The following STIM2 variants were observed in gnomAD, a reference collection of about 807,000 sequenced individuals.
STIM2 encodes the protein stromal interaction molecule 2.
STIM2 carries 31 observed loss-of-function variants against 85.8 expected under a neutral mutation model. The observed-to-expected ratio is 0.36, with a 90% CI of 0.27 to 0.49. The LOEUF (loss-of-function observed/expected upper bound fraction) is 0.49, where lower values mean the gene tolerates loss of function less well. Among genes scored for constraint, STIM2 ranks in the 20% least tolerant of loss-of-function variants. STIM2 has a pLI of 0.98. For synonymous variants in STIM2, 356 were observed against 331.1 expected, an observed-to-expected ratio of 1.08 and a Z score of -0.82; for missense variants, 841 against 927.6, an observed-to-expected ratio of 0.91 and a Z score of 1.21.
intron 2 of STIM2, 49 bp downstream of exon 2, chr4:26,919,683 G>T (rs1360901827): frequency 6.3e-7 from 1 of 1,585,722 alleles, no homozygotes; most frequent in South Asian, 1.2e-5. Flanking sequence ...CAGAATGACT[G>T]CATTTCTGTT....
chr4:26,946,298 T>C (rs1214330472), intron 2 of STIM2, among the ~76,000 whole-genome samples: 1 of 152,184 alleles, frequency 6.6e-6, no homozygotes. Flanking sequence ...TATTAAAAAA[T>C]TGACAAATGT....
At chr4:26,976,035 T>A (rs1267600331) in intron 3 of STIM2, among the ~76,000 whole-genome samples, 2 of 152,218 alleles carry the variant, frequency 1.3e-5, no homozygotes, top group Non-Finnish European at 2.9e-5. Context: ...CAAGGCTTCG[T>A]GGGTGTGGGA....
At chr4:26,973,385 A>G (rs927507778) in intron 3 of STIM2, among the ~76,000 whole-genome samples, 6 of 152,108 alleles carry the variant, frequency 3.9e-5, no homozygotes, top group Admixed American at 1.3e-4. Flanking sequence ...TAGTGCTATA[A>G]ATTTCCCTCT....
intron 10 of STIM2, among the ~76,000 whole-genome samples, chr4:27,011,673 A>G (rs983505101): frequency 6.6e-6 from 1 of 152,172 alleles, no homozygotes; most frequent in Non-Finnish European, 1.5e-5. Context: ...GATACCTCAC[A>G]ATTATGAAAA....
intron 3 of STIM2, among the ~76,000 whole-genome samples, chr4:26,958,910 G>T (rs528574018): frequency 2.0e-5 from 3 of 152,194 alleles, no homozygotes; most frequent in Non-Finnish European, 2.9e-5. Flanking sequence ...TTTTTTTAAG[G>T]ATTAAAATAT....
At position 27,022,881 on chromosome 4, in the gene STIM2, A is replaced by G; in HGVS notation, c.2126A>G (p.Gln709Arg). 6.2e-7 allele frequency: 1 copy of G among 1,614,242 alleles called. No homozygotes were observed. The highest frequency in any genetic ancestry group is 8.5e-7 in the Non-Finnish European group (1 of 1,180,044). ...GCTGGCAACGACAGTAAACCAGTTC[A>G]GGAAGCCCCAAGTGTTGCCAGAATA... The change falls in exon 12 of 12, where the codon CAG becomes CGG. Residue 709 changes from glutamine to arginine, a missense_variant. This residue lies in a region of STIM2 where 293 missense variants were observed against 284.5 expected (regional missense o/e 1.03). Transcript: ENST00000467087.
At chr4:26,930,557 C>T (rs1259934428) in intron 2 of STIM2, among the ~76,000 whole-genome samples, 1 of 151,970 alleles carries the variant, frequency 6.6e-6, no homozygotes. Flanking sequence ...GTCCATTGTA[C>T]CTAGTATTTC....
chr4:26,960,484 C>T (rs1726409713), intron 3 of STIM2, among the ~76,000 whole-genome samples: 1 of 152,110 alleles, frequency 6.6e-6, no homozygotes. Flanking sequence ...TAGCACAGTG[C>T]ATTCACTTTG....
intron 1 of STIM2, chr4:26,874,125 G>A (rs1331097047): frequency 1.8e-6 from 1 of 545,394 alleles, no homozygotes; most frequent in African/African-American, 1.9e-5. Context: ...CCCTGGCTCT[G>A]GGGTTTCCAA....
chr4:26,948,109 G>A (rs974145206), intron 2 of STIM2, among the ~76,000 whole-genome samples: 1 of 152,116 alleles, frequency 6.6e-6, no homozygotes, highest in Admixed American at 6.5e-5. Flanking sequence ...TCTTGTGCTC[G>A]AACACCTGTC....
intron 1 of STIM2, among the ~76,000 whole-genome samples, chr4:26,890,326 C>T (rs1723418926): frequency 6.6e-6 from 1 of 152,170 alleles, no homozygotes. Flanking sequence ...ATATAACTTA[C>T]TTGAACCTTC....
chr4:27,021,014 C>T (rs1415156611), intron 11 of STIM2: 2 of 1,536,618 alleles, frequency 1.3e-6, no homozygotes, highest in Non-Finnish European at 1.7e-6. Context: ...TCACCTTGGG[C>T]TCGGTGCGTG....
intron 2 of STIM2, among the ~76,000 whole-genome samples, chr4:26,931,394 T>C (rs1725200230): frequency 6.6e-6 from 1 of 152,142 alleles, no homozygotes; most frequent in African/African-American, 2.4e-5. Context: ...ATTTTGATAA[T>C]TTACTAACTA....
At chr4:26,973,436 G>T (rs2109106529) in intron 3 of STIM2, among the ~76,000 whole-genome samples, 1 of 152,192 alleles carries the variant, frequency 6.6e-6, no homozygotes. Flanking sequence ...CTAGTATGTT[G>T]TATCTTTGTT....
chr4:26,963,301 T>G (rs1465155879), intron 3 of STIM2, among the ~76,000 whole-genome samples: 6 of 152,174 alleles, frequency 3.9e-5, no homozygotes, highest in Non-Finnish European at 7.4e-5. Context: ...ATTTTTCTTC[T>G]GGGTATGAAA....
Position 27,023,751 on chromosome 4 carries a change from CA to C in STIM2, c.*756del, listed in dbSNP as rs1226788980. 6.6e-6 allele frequency: 1 copy of C among 152,638 alleles called. No individual in the cohort carries two copies. Among genetic ancestry groups the C allele is most frequent in the African/African-American group, 2.4e-5 (1 of 41,456 alleles). 9.5% of individuals were successfully genotyped at this position (152,638 alleles called of 1,614,324 possible). A position where few individuals can be genotyped will look rare whatever the true frequency, so the allele number is the denominator to read the frequency against. ...CTGCATTGCAGGCTGTATGATAAAA[CA>C]CACATAATTTAAAGAGAGAAGGCTC... On this transcript the variant is annotated 3_prime_UTR_variant, in exon 12 of 12. Transcript: ENST00000467087.
intron 1 of STIM2, among the ~76,000 whole-genome samples, chr4:26,871,115 G>A (rs1404129184): frequency 1.3e-4 from 20 of 152,126 alleles, no homozygotes; most frequent in African/African-American, 4.8e-4. Context: ...GGGCCTGTTC[G>A]CAGTGCAGCA....
chr4:26,989,361 C>T (rs955310416), intron 3 of STIM2, among the ~76,000 whole-genome samples: 20 of 152,158 alleles, frequency 1.3e-4, no homozygotes, highest in Admixed American at 9.8e-4. Flanking sequence ...AGGTCAAAAA[C>T]TATATGATCT....
At chr4:26,915,632 C>G (rs1171696472) in intron 1 of STIM2, among the ~76,000 whole-genome samples, 1 of 152,174 alleles carries the variant, frequency 6.6e-6, no homozygotes. Context: ...TACAGGAAAA[C>G]AAGGTGGAAT....
Sources: gnomAD v4.1 joint callset for allele counts (sites outside exome capture counted in the v4.1 genomes callset) on GRCh38, gnomAD v4.1.1 for gene constraint, gnomAD v4.1.1 regional missense constraint, MANE v1.5 for transcripts, NCBI Gene and HGNC (gene_info 2026-07-23, HGNC 2026-07-21) for gene names.